The following EARS2 variants were observed in gnomAD, a reference collection of about 807,000 sequenced individuals.
EARS2 encodes glutamyl-tRNA synthetase 2, mitochondrial.
Under a neutral mutation model 54.1 loss-of-function variants are expected in EARS2, and 50 were observed. That is an observed-to-expected ratio of 0.92 (90% confidence interval 0.74 to 1.17). EARS2 has a LOEUF of 1.17. Among genes scored for constraint, EARS2 ranks in the 50% most tolerant of loss-of-function variants. The pLI is 0.00. For synonymous variants in EARS2, 298 were observed against 281.0 expected, an observed-to-expected ratio of 1.06 and a Z score of -0.61; for missense variants, 673 against 675.0, an observed-to-expected ratio of 1.00 and a Z score of 0.03.
chr16:23,555,186 A>G (rs1284204317), intron 1 of EARS2, among the ~76,000 whole-genome samples: 2 of 152,166 alleles, frequency 1.3e-5, no homozygotes, highest in Non-Finnish European at 2.9e-5. Context: ...CAGATTCATT[A>G]AATAATTTGC....
chr16:23,526,868 C>T (rs1243529929), intron 7 of EARS2, among the ~76,000 whole-genome samples: 1 of 152,190 alleles, frequency 6.6e-6, no homozygotes, highest in Non-Finnish European at 1.5e-5. Context: ...CAAAAATTTG[C>T]CTCGGCCCTG....
At chr16:23,541,191 G>C (rs995003404) in intron 3 of EARS2, among the ~76,000 whole-genome samples, 4 of 151,882 alleles carry the variant, frequency 2.6e-5, no homozygotes, top group Non-Finnish European at 5.9e-5. Context: ...GCAGGGTGTG[G>C]TGGCGGGCAC....
chr16:23,547,424 G>A (rs1167468153), intron 2 of EARS2, among the ~76,000 whole-genome samples: 1 of 152,156 alleles, frequency 6.6e-6, no homozygotes, highest in South Asian at 2.1e-4. Context: ...TAGTGGTGAC[G>A]GTTGCGCAAC....
chr16:23,524,681 C>CT (rs1279307170), intron 8 of EARS2, among the ~76,000 whole-genome samples: 1 of 146,994 alleles, frequency 6.8e-6, no homozygotes, highest in Non-Finnish European at 1.5e-5. Context: ...GAGTCTCACT[C>CT]TATCACCCAG....
At chr16:23,533,910 GC>G (rs1965368216) in intron 4 of EARS2, among the ~76,000 whole-genome samples, 1 of 152,136 alleles carries the variant, frequency 6.6e-6, no homozygotes, top group African/African-American at 2.4e-5. Context: ...ACAAAAATTA[GC>G]CAAGCGTGGT....
At chr16:23,544,855 T>C (rs1208348120) in intron 2 of EARS2, 152 bp from the exon 3 acceptor site, 3 of 707,034 alleles carry the variant, frequency 4.2e-6, no homozygotes, top group Non-Finnish European at 4.5e-6. Context: ...GCCTTTTTTT[T>C]TGAGGCAGAG....
chr16:23,528,912 G>A (rs1032351626), intron 7 of EARS2, among the ~76,000 whole-genome samples: 2 of 152,114 alleles, frequency 1.3e-5, no homozygotes, highest in African/African-American at 4.8e-5. Context: ...AGAGAGTCTT[G>A]CCCTCTAGTT....
intron 7 of EARS2, among the ~76,000 whole-genome samples, chr16:23,529,281 A>G (rs750849432): frequency 6.6e-6 from 1 of 152,214 alleles, no homozygotes; most frequent in Non-Finnish European, 1.5e-5. Flanking sequence ...CTGGGATGCA[A>G]CCAGGTTGGT....
In EARS2 at chr16:23,556,667, G is replaced by A. The variant is rs772525749; in HGVS notation, c.139+538C>T. The A allele has an allele frequency of 1.5e-5, 5 of 332,488 alleles. No homozygotes were observed. In the East Asian group the frequency reaches 3.3e-4, roughly 22 times the overall value. The allele number at this position is 332,488 out of a possible 1,614,324, so 20.6% of individuals were successfully genotyped here. ...AGCCACCGCGCCTGGCCTCCAGAAG[G>A]TTCCTTCTATAGGCTTCACATAGCG... On this transcript the variant is annotated intron_variant, in intron 1 of 8. Transcript: ENST00000449606.
At chr16:23,553,121 ACT>A (rs1164648601) in intron 1 of EARS2, 1 of 254,646 alleles carries the variant, frequency 3.9e-6, no homozygotes, top group Non-Finnish European at 8.2e-6. Flanking sequence ...GTAGAGTGAG[ACT>A]CTGTCTCAAA....
At chr16:23,527,391 C>T (rs1965247377) in intron 7 of EARS2, among the ~76,000 whole-genome samples, 1 of 152,150 alleles carries the variant, frequency 6.6e-6, no homozygotes, top group Admixed American at 6.5e-5. Context: ...ATGGTCCAGG[C>T]AACTGCATTC....
At chr16:23,526,110 CTTTTT>C (rs55859005) in intron 7 of EARS2, among the ~76,000 whole-genome samples, 30 of 119,934 alleles carry the variant, frequency 2.5e-4, no homozygotes, top group Admixed American at 2.6e-4. Context: ...GAAATATTAC[CTTTTT>C]TTTTTTTTTT....
Position 23,524,404 on chromosome 16 carries a change from T to TA in EARS2, c.1538dup (p.Arg514ThrfsTer23). The TA allele has an allele frequency of 6.2e-7, 1 of 1,614,186 alleles. No homozygotes were observed. Among genetic ancestry groups the TA allele is most frequent in the Non-Finnish European group, 8.5e-7 (1 of 1,180,028 alleles). ...AAACCACCTTCTGGATCCGTTCCCG[T>TA]ACTTCCTTTGGTCCCAAGGCCAACA... On this transcript the variant is annotated frameshift_variant, in exon 9 of 9. Transcript: ENST00000449606. LOFTEE classifies it high-confidence loss of function.
At chr16:23,543,396 A>G (rs1322256387) in intron 3 of EARS2, among the ~76,000 whole-genome samples, 4 of 151,560 alleles carry the variant, frequency 2.6e-5, no homozygotes, top group African/African-American at 9.7e-5. Context: ...TGGGTGACAA[A>G]GTAAGACCCT....
rs752765542 is a variant in EARS2, at chr16:23,535,359, A to G, written c.487T>C (p.Tyr163His). Residue 163 changes from tyrosine (Y) to histidine (H), a missense_variant and splice_region_variant, in exon 4 of 9, where the codon TAT becomes CAT. Transcript: ENST00000449606. ...EALRNHQTPR[Y>H]DNRCRNMSQE... ...CTCATGTTCCTGCACCGATTGTCAT[A>G]CCTGATGGGGAGCAGAGCAGCATGA... 6.9e-6 allele frequency: 11 copies of G among 1,597,456 alleles called. No homozygotes were observed. The highest frequency in any genetic ancestry group is 2.7e-5 in the African/African-American group (2 of 74,848).
intron 3 of EARS2, among the ~76,000 whole-genome samples, chr16:23,536,435 T>C (rs773216137): frequency 2.0e-5 from 3 of 151,946 alleles, no homozygotes; most frequent in Non-Finnish European, 2.9e-5. Context: ...CAAAATCCTG[T>C]CTCTTATTTA....
intron 1 of EARS2, among the ~76,000 whole-genome samples, chr16:23,555,149 G>A (rs537660575): frequency 3.3e-5 from 5 of 152,114 alleles, no homozygotes; most frequent in Admixed American, 2.0e-4. Flanking sequence ...TATTAGCCCC[G>A]TTTTGACAAA....
chr16:23,543,811 CAACACCCA>C, intron 3 of EARS2, among the ~76,000 whole-genome samples: 1 of 151,006 alleles, frequency 6.6e-6, no homozygotes, highest in African/African-American at 2.4e-5. Flanking sequence ...GTGGAAAATA[CAACACCCA>C]AACACATGTG....
chr16:23,557,144 T>G lies in EARS2; in HGVS notation c.139+61A>C, dbSNP rs2234424. The stretch of plus-strand genomic sequence containing the variant: ...ACCGGAAAGGATTCATTCGGGAACA[T>G]TCGTGGGGCGGAGACGGGACAGGGG... On this transcript the variant is annotated intron_variant, in intron 1 of 8. Transcript: ENST00000449606. 6.0e-5 allele frequency: 90 copies of G among 1,493,728 alleles called. No individual in the cohort carries two copies. The African/African-American group carries it at 1.0e-3, about 17-fold the overall frequency. The allele number at this position is 1,493,728 out of a possible 1,614,324, so 92.5% of individuals were successfully genotyped here.
Sources: allele counts gnomAD v4.1 joint callset (sites outside exome capture counted in the v4.1 genomes callset), GRCh38; gene constraint gnomAD v4.1.1; transcripts MANE v1.5; gene names NCBI Gene and HGNC (gene_info 2026-07-23, HGNC 2026-07-21).